Variants in PTPRD observed in about 807,000 individuals in gnomAD.
PTPRD encodes the protein receptor-type tyrosine-protein phosphatase delta.
Under a neutral mutation model 214.5 loss-of-function variants are expected in PTPRD, and 34 were observed. The observed-to-expected ratio is 0.16, with a 90% CI of 0.12 to 0.21. The LOEUF (loss-of-function observed/expected upper bound fraction) is 0.21, where lower values mean the gene tolerates loss of function less well. PTPRD is among the 10% of genes least tolerant of loss of function. The probability of loss-of-function intolerance (pLI) is 1.00; values close to 1 mark genes in which losing one functional copy is unlikely to be tolerated. For synonymous variants in PTPRD, 1,128 were observed against 845.7 expected, an observed-to-expected ratio of 1.33 and a Z score of -5.79; for missense variants, 2,545 against 2,398.7, an observed-to-expected ratio of 1.06 and a Z score of -1.27.
At chr9:9,835,855 T>C (rs149460017) in intron 5 of PTPRD, among the ~76,000 whole-genome samples, 97 of 152,232 alleles carry the variant, frequency 6.4e-4, no homozygotes, top group African/African-American at 2.3e-3. Flanking sequence ...CCTTCTATAA[T>C]AATCTTATGG....
chr9:9,275,204 TATA>T (rs1945097848), intron 9 of PTPRD, among the ~76,000 whole-genome samples: 2 of 69,442 alleles, frequency 2.9e-5, no homozygotes, highest in African/African-American at 1.2e-4. Context: ...ATATATTATA[TATA>T]TATATATATA....
chr9:9,781,677 C>G (rs2098843858), intron 5 of PTPRD, among the ~76,000 whole-genome samples: 1 of 152,142 alleles, frequency 6.6e-6, no homozygotes, highest in South Asian at 2.1e-4. Context: ...CCTTAATGAA[C>G]TTTACAACTT....
chr9:8,969,547 G>C (rs2099223226), intron 11 of PTPRD, among the ~76,000 whole-genome samples: 1 of 151,984 alleles, frequency 6.6e-6, no homozygotes, highest in Non-Finnish European at 1.5e-5. Flanking sequence ...CAGCAATATG[G>C]ATGAAATTTC....
At chr9:9,231,957 A>T (rs568025463) in intron 9 of PTPRD, among the ~76,000 whole-genome samples, 5 of 152,118 alleles carry the variant, frequency 3.3e-5, no homozygotes, top group African/African-American at 1.2e-4. Flanking sequence ...AACTGGTGGC[A>T]TAGAATACAA....
chr9:10,178,282 C>T (rs532399804), intron 3 of PTPRD, among the ~76,000 whole-genome samples: 3 of 151,828 alleles, frequency 2.0e-5, no homozygotes, highest in South Asian at 4.2e-4. Context: ...ATCTAGGGCC[C>T]GGGATATTGT....
rs186127349 is a variant in PTPRD, at chr9:9,677,519, C to G, written c.-287+57014G>C. 5.9e-3 allele frequency among the ~76,000 whole-genome samples: 897 copies of G among 152,188 alleles called. 5 individuals are homozygous for G. The highest frequency in any genetic ancestry group is 0.016 in the East Asian group (82 of 5,148). ...AAAGGCCTTTGACAAAATTCAACAA[C>G]ACTTCATGCTAAAAACTCTCAATAA... On this transcript the variant is annotated intron_variant, in intron 7 of 45. Transcript: ENST00000381196.
At chr9:8,400,830 C>A (rs769033973) in intron 36 of PTPRD, among the ~76,000 whole-genome samples, 2 of 152,156 alleles carry the variant, frequency 1.3e-5, no homozygotes, top group African/African-American at 4.8e-5. Context: ...TGCCGCTTCA[C>A]TAGACTGTTG....
chr9:8,846,258 T>G (rs946880598), intron 11 of PTPRD, among the ~76,000 whole-genome samples: 1 of 152,122 alleles, frequency 6.6e-6, no homozygotes, highest in African/African-American at 2.4e-5. Context: ...GGTTGTAAGA[T>G]TTGGGCCGTG....
At chr9:8,751,812 T>C (rs1231070645) in intron 11 of PTPRD, among the ~76,000 whole-genome samples, 1 of 152,166 alleles carries the variant, frequency 6.6e-6, no homozygotes, top group Non-Finnish European at 1.5e-5. Context: ...TAACCCTCTG[T>C]CTTAAAAATG....
intron 11 of PTPRD, among the ~76,000 whole-genome samples, chr9:8,952,413 A>G (rs2099107336): frequency 6.6e-6 from 1 of 152,000 alleles, no homozygotes; most frequent in East Asian, 1.9e-4. Context: ...AATTAGCAAC[A>G]CAATCTGTAT....
At chr9:9,150,544 C>T (rs932556689) in intron 10 of PTPRD, among the ~76,000 whole-genome samples, 1 of 149,992 alleles carries the variant, frequency 6.7e-6, no homozygotes, top group Admixed American at 6.7e-5. Context: ...GACTGGAGTG[C>T]AATGGTGTGA....
intron 12 of PTPRD, among the ~76,000 whole-genome samples, chr9:8,682,051 C>T (rs777345615): frequency 3.3e-5 from 5 of 152,118 alleles, no homozygotes; most frequent in Non-Finnish European, 5.9e-5. Flanking sequence ...TCATAGCCCA[C>T]ATTTATGAAC....
At chr9:9,490,530 T>C (rs1284376946) in intron 8 of PTPRD, among the ~76,000 whole-genome samples, 2 of 152,030 alleles carry the variant, frequency 1.3e-5, no homozygotes, top group Non-Finnish European at 1.5e-5. Context: ...GAATTATTTG[T>C]TTATGATTTT....
At chr9:9,560,591 G>A (rs1219337365) in intron 8 of PTPRD, among the ~76,000 whole-genome samples, 4 of 152,260 alleles carry the variant, frequency 2.6e-5, no homozygotes, top group Non-Finnish European at 4.4e-5. Flanking sequence ...ATGGCTGACC[G>A]GGCAAGCCTC....
intron 21 of PTPRD, among the ~76,000 whole-genome samples, chr9:8,514,471 T>G (rs936919558): frequency 2.6e-5 from 4 of 152,044 alleles, no homozygotes; most frequent in African/African-American, 7.2e-5. Context: ...ACTGCTTGAG[T>G]GTAACGATCT....
chr9:10,459,205 A>G (rs375882020), intron 2 of PTPRD, among the ~76,000 whole-genome samples: 52 of 152,200 alleles, frequency 3.4e-4, no homozygotes, highest in African/African-American at 1.2e-3. Context: ...AGCTTCATCC[A>G]TGTCCCTGCA....
chr9:9,844,744 C>A (rs2059095110), intron 5 of PTPRD, among the ~76,000 whole-genome samples: 1 of 151,662 alleles, frequency 6.6e-6, no homozygotes, highest in Non-Finnish European at 1.5e-5. Context: ...GTTTAGGACA[C>A]AAGTTCCTAG....
rs1217470478 is a variant in PTPRD at position 10,060,827 on chromosome 9, T to TCTTTCTTTCTTTCTTCCTTC, written c.-544-27038_-544-27037insGAAGGAAGAAAGAAAGAAAG. Among the ~76,000 whole-genome samples, 206 of 119,784 alleles carry TCTTTCTTTCTTTCTTCCTTC rather than the reference T, an allele frequency of 1.7e-3. 9 individuals are homozygous for TCTTTCTTTCTTTCTTCCTTC. The highest frequency in any genetic ancestry group is 2.5e-3 in the Non-Finnish European group (158 of 63,724). The allele number at this position is 119,784 out of a possible 152,430, so 78.6% of individuals were successfully genotyped here. ...TCCTTTCTTTCTTTCTTTCTTTCTT[T>TCTTTCTTTCTTTCTTCCTTC]CTTCCTTCCTTCCTTCCTTTCCTTT... On this transcript the variant is annotated intron_variant, in intron 3 of 45. Transcript: ENST00000381196.
intron 9 of PTPRD, among the ~76,000 whole-genome samples, chr9:9,318,137 C>A (rs1363157246): frequency 6.6e-6 from 1 of 151,494 alleles, no homozygotes; most frequent in African/African-American, 2.4e-5. Flanking sequence ...TGCCATTGCA[C>A]TCCAGCCTGG....
Sources: gnomAD v4.1 joint callset for allele counts (sites outside exome capture counted in the v4.1 genomes callset) on GRCh38, gnomAD v4.1.1 for gene constraint, MANE v1.5 for transcripts, NCBI Gene and HGNC (gene_info 2026-07-23, HGNC 2026-07-21) for gene names.